ATXN3L: variants seen among roughly 807,000 people sequenced by gnomAD.
ATXN3L encodes ataxin 3 like.
For missense variants in ATXN3L, 283 were observed against 255.2 expected (o/e 1.11, Z -0.74); for synonymous variants, 98 against 96.1 (o/e 1.02, Z -0.12).
Position 13,319,526 on chromosome X carries a change from A to C in ATXN3L, c.409T>G (p.Leu137Val). 1 of 1,211,969 alleles carries C rather than the reference A, an allele frequency of 8.3e-7. No individual in the cohort carries two copies. Among genetic ancestry groups the C allele is most frequent in the Non-Finnish European group, 1.1e-6 (1 of 895,544 alleles). The change falls in exon 1 of 1, where the codon TTG (leucine) becomes GTG (valine). Residue 137 changes from leucine (L) to valine (V), a missense_variant. Coordinates refer to ENST00000380622, the MANE Select transcript of ATXN3L (RefSeq NM_001135995.2). ...GKHWFNLNSL[L>V]AGPELISDTC... The stretch of plus-strand genomic sequence containing the variant: ...TCTGATATTAATTCTGGACCCGCCA[A>C]GAGAGAATTCAAGTTAAACCAGTGT...
rs367551011 is a variant in ATXN3L, at chrX:13,319,385, C to T, written c.550G>A (p.Glu184Lys). 1.4e-5 allele frequency: 17 copies of T among 1,209,271 alleles called. No homozygotes were observed. Among genetic ancestry groups the T allele is most frequent in the Admixed American group, 6.6e-5 (3 of 45,669 alleles). Residue 184 changes from glutamate to lysine, a missense_variant, in exon 1 of 1, where the codon GAA (glutamate) becomes AAA (lysine). Transcript: ENST00000380622. Reference protein sequence around the residue: ...ADQLLQIISVEEMDTPKLNGK... With the variant: ...ADQLLQIISVKEMDTPKLNGK... The stretch of plus-strand genomic sequence containing the variant: ...TTAAGTTTTGGTGTATCCATCTCTT[C>T]GACACTGATGATCTGCAGGAGTTGG...
In ATXN3L at chrX:13,319,549, T is replaced by A; in HGVS notation, c.386A>T (p.His129Leu). 8.3e-7 allele frequency: 1 copy of A among 1,211,529 alleles called. No individual in the cohort carries two copies. Among genetic ancestry groups the A allele is most frequent in the Non-Finnish European group, 1.1e-6 (1 of 895,268 alleles). The change falls in exon 1 of 1, where the codon CAC (histidine) becomes CTC (leucine). Residue 129 changes from histidine to leucine, a missense_variant. Transcript: ENST00000380622. ...HWFTIRKFGK[H>L]WFNLNSLLAG... ...CAAGAGAGAATTCAAGTTAAACCAG[T>A]GTTTTCCAAATTTTCTAATAGTAAA...
Position 13,319,842 on chromosome X carries a change from C to T in ATXN3L, c.93G>A (p.Val31=), listed in dbSNP as rs1314259605. 8.3e-7 allele frequency: 1 copy of T among 1,210,011 alleles called. No homozygotes were observed. The highest frequency in any genetic ancestry group is 1.1e-6 in the Non-Finnish European group (1 of 895,017). Residue 31 remains valine, a synonymous_variant, in exon 1 of 1, where the codon GTG becomes GTA. Transcript: ENST00000380622. ...GCTGATGTGCAATTGAGGCTAATTC[C>T]ACAGGGCTAAAATATTCTCCTTGCA... The part of the protein sequence containing the change: ...NLLQGEYFSP[V]ELASIAHQLD...
In ATXN3L at chrX:13,318,786, A is replaced by C; in HGVS notation, c.*81T>G. The C allele has an allele frequency of 1.1e-6, 1 of 897,856 alleles. No individual in the cohort carries two copies. The highest frequency in any genetic ancestry group is 3.1e-5 in the East Asian group (1 of 31,850). 74.0% of individuals were successfully genotyped at this position (897,856 alleles called of 1,213,427 possible). On this transcript the variant is annotated 3_prime_UTR_variant, in exon 1 of 1. Transcript: ENST00000380622. ...AGCCTTATTTCCTCATCTCTTTGAC[A>C]GATGACCAAAATGGATCCTACAGTA...
At position 13,318,846 on chromosome X, in the gene ATXN3L, T is replaced by C. The variant is rs377086256; in HGVS notation, c.*21A>G. Reference sequence around the variant, plus strand: ...AGGATAATGTTGGAAAGTATGACTATCTAAATTATTTTTAAAGGCATTATT... The same window carrying C: ...AGGATAATGTTGGAAAGTATGACTACCTAAATTATTTTTAAAGGCATTATT... On this transcript the variant is annotated 3_prime_UTR_variant, in exon 1 of 1. Transcript: ENST00000380622. 1.1e-4 allele frequency: 120 copies of C among 1,135,055 alleles called. No individual in the cohort carries two copies. Among genetic ancestry groups the C allele is most frequent in the Non-Finnish European group, 1.4e-4 (115 of 841,173 alleles). The allele number at this position is 1,135,055 out of a possible 1,213,427, so 93.5% of individuals were successfully genotyped here.
At position 13,319,100 on chromosome X, in the gene ATXN3L, G is replaced by A. The variant is rs766631943; in HGVS notation, c.835C>T (p.Pro279Ser). ...TSCVTPASEQ[P>S]KKIKEDYFEK... ...AAATAGTCTTCTTTTATTTTCTTCGGCTGTTCTGAAGCAGGAGTTACACAT... is the reference window on the plus strand; with the variant it reads ...AAATAGTCTTCTTTTATTTTCTTCGACTGTTCTGAAGCAGGAGTTACACAT... Residue 279 changes from proline (P) to serine (S), a missense_variant, in exon 1 of 1, where the codon CCG becomes TCG. Coordinates refer to ENST00000380622, the MANE Select transcript of ATXN3L (RefSeq NM_001135995.2). 2.0e-5 allele frequency: 24 copies of A among 1,209,316 alleles called. No individual in the cohort carries two copies. Among genetic ancestry groups the A allele is most frequent in the Non-Finnish European group, 2.5e-5 (22 of 895,017 alleles).
rs750406543 is a variant in ATXN3L, at chrX:13,319,004, G to C, written c.931C>G (p.His311Asp). The C allele has an allele frequency of 2.5e-6, 3 of 1,211,780 alleles. No homozygotes were observed. Residue 311 changes from histidine to aspartate, a missense_variant, in exon 1 of 1, where the codon CAC (histidine) becomes GAC (aspartate). Physicochemically the swap from His to Asp is moderately conservative, Grantham distance 81. Coordinates refer to ENST00000380622, the MANE Select transcript of ATXN3L (RefSeq NM_001135995.2). The part of the protein sequence containing the change: ...SDLPGHSSYL[H>D]ERPTTSSRAI... ...CTCGAACTTGTTGTTGGCCTTTCGT[G>C]TAGGTATGAACTGTGGCCCGGCAGA...
At position 13,318,985 on chromosome X, in the gene ATXN3L, CTTG is replaced by C. The variant is rs772376884; in HGVS notation, c.947_949del (p.Thr316del). 778 of 1,210,201 alleles carry C rather than the reference CTTG, an allele frequency of 6.4e-4. No individual in the cohort carries two copies. The highest frequency in any genetic ancestry group is 9.9e-4 in the South Asian group (56 of 56,812). ...GAGATCACTCTCAATTGCTCTCGAA[CTTG>C]TTGTTGGCCTTTCGTGTAGGTATGA... is the stretch of plus-strand genomic sequence containing the variant. On this transcript the variant is annotated inframe_deletion, in exon 1 of 1. Transcript: ENST00000380622.
At position 13,319,049 on chromosome X, in the gene ATXN3L, G is replaced by C; in HGVS notation, c.886C>G (p.Gln296Glu). Residue 296 changes from glutamine (Q) to glutamate (E), a missense_variant, in exon 1 of 1, where the codon CAG becomes GAG. Gln to Glu is a conservative substitution (Grantham distance 29, BLOSUM62 2). Coordinates refer to ENST00000380622, the MANE Select transcript of ATXN3L (RefSeq NM_001135995.2). ...GGCAGATCTGACTGTTGTTGCTGCT[G>C]CTTCTGTTCCTGCTGATGCTTTTCA... is the stretch of plus-strand genomic sequence containing the variant. ...YFEKHQQEQK[Q>E]QQQQSDLPGH... 8.3e-7 allele frequency: 1 copy of C among 1,211,610 alleles called. No homozygotes were observed. The highest frequency in any genetic ancestry group is 1.7e-5 in the African/African-American group (1 of 57,738).
chrX:13,318,984 A>G lies in ATXN3L; in HGVS notation c.951T>C (p.Ser317=). Residue 317 remains serine, a synonymous_variant, in exon 1 of 1, where the codon AGT becomes AGC. Coordinates refer to ENST00000380622, the MANE Select transcript of ATXN3L (RefSeq NM_001135995.2). ...TGAGATCACTCTCAATTGCTCTCGA[A>G]CTTGTTGTTGGCCTTTCGTGTAGGT... is the stretch of plus-strand genomic sequence containing the variant. ...SSYLHERPTT[S]SRAIESDLSD... is the part of the protein sequence containing the mutation. The G allele has an allele frequency of 8.3e-7, 1 of 1,211,607 alleles. No homozygotes were observed. The highest frequency in any genetic ancestry group is 1.1e-6 in the Non-Finnish European group (1 of 895,298).
chrX:13,319,601 A>G lies in ATXN3L; in HGVS notation c.334T>C (p.Phe112Leu). The G allele has an allele frequency of 8.3e-7, 1 of 1,210,667 alleles. No homozygotes were observed. The highest frequency in any genetic ancestry group is 1.1e-6 in the Non-Finnish European group (1 of 894,582). ...CAGTGTTGTTTATAATTACATATAA[A>G]AGATCTTTCATTTATAGGATCAATG... The part of the protein sequence containing the change: ...LGIDPINERS[F>L]ICNYKQHWFT... Residue 112 changes from phenylalanine to leucine, a missense_variant, in exon 1 of 1, where the codon TTT (phenylalanine) becomes CTT (leucine). Coordinates refer to ENST00000380622, the MANE Select transcript of ATXN3L (RefSeq NM_001135995.2).
Position 13,319,132 on chromosome X carries a change from T to C in ATXN3L, c.803A>G (p.Lys268Arg). The change falls in exon 1 of 1, where the codon AAG becomes AGG. Residue 268 changes from lysine (K) to arginine (R), a missense_variant. Lys to Arg is a conservative substitution (Grantham distance 26). Coordinates refer to ENST00000380622, the MANE Select transcript of ATXN3L (RefSeq NM_001135995.2). Reference protein sequence around the residue: ...SSGNTSQDLPKTSCVTPASEQ... With the variant: ...SSGNTSQDLPRTSCVTPASEQ... ...TGAAGCAGGAGTTACACATGATGTC[T>C]TTGGAAGATCTTGCGATGTGTTTCC... is the stretch of plus-strand genomic sequence containing the variant. 8.3e-7 allele frequency: 1 copy of C among 1,211,651 alleles called. No homozygotes were observed.
rs771406493 is a variant in ATXN3L, at chrX:13,319,965, T to C, written c.-31A>G. On this transcript the variant is annotated 5_prime_UTR_variant, in exon 1 of 1. Transcript: ENST00000380622. ...TTGTATCCGTGAGTTTCTGTAGGTA[T>C]GCCGGAAGATGTTGTATGCCCAGCT... The C allele has an allele frequency of 5.4e-6, 6 of 1,102,042 alleles. No individual in the cohort carries two copies. The highest frequency in any genetic ancestry group is 7.4e-6 in the Non-Finnish European group (6 of 809,386). 90.8% of individuals were successfully genotyped at this position (1,102,042 alleles called of 1,213,427 possible).
Position 13,319,511 on chromosome X carries a change from A to T in ATXN3L, c.424T>A (p.Leu142Ile), listed in dbSNP as rs2044473821. The change falls in exon 1 of 1, where the codon TTA becomes ATA. Residue 142 changes from leucine (L) to isoleucine (I), a missense_variant. Coordinates refer to ENST00000380622, the MANE Select transcript of ATXN3L (RefSeq NM_001135995.2). ...NLNSLLAGPE[L>I]ISDTCLANFL... Reference sequence around the variant, plus strand: ...TTTGCAAGGCATGTATCTGATATTAATTCTGGACCCGCCAAGAGAGAATTC... The same window carrying T: ...TTTGCAAGGCATGTATCTGATATTATTTCTGGACCCGCCAAGAGAGAATTC... 1 of 1,210,038 alleles carries T rather than the reference A, an allele frequency of 8.3e-7. No homozygotes were observed. Among genetic ancestry groups the T allele is most frequent in the South Asian group, 1.8e-5 (1 of 56,790 alleles).
In ATXN3L at chrX:13,319,604, A is replaced by G; in HGVS notation, c.331T>C (p.Ser111Pro). The G allele has an allele frequency of 8.3e-7, 1 of 1,210,780 alleles. No homozygotes were observed. The highest frequency in any genetic ancestry group is 1.1e-6 in the Non-Finnish European group (1 of 894,689). Residue 111 changes from serine (S) to proline (P), a missense_variant, in exon 1 of 1, where the codon TCT (serine) becomes CCT (proline). Ser to Pro is a moderately conservative substitution (Grantham distance 74). Transcript: ENST00000380622. ...KLGIDPINER[S>P]FICNYKQHWF... ...TGTTGTTTATAATTACATATAAAAG[A>G]TCTTTCATTTATAGGATCAATGCCG...
At position 13,319,443 on chromosome X, in the gene ATXN3L, A is replaced by G. The variant is rs2044472980; in HGVS notation, c.492T>C (p.Val164=). 2 of 1,211,884 alleles carry G rather than the reference A, an allele frequency of 1.7e-6. No individual in the cohort carries two copies. The highest frequency in any genetic ancestry group is 1.7e-5 in the African/African-American group (1 of 57,899). ...CACAGTCTGGCAGATCACCCTTGAC[A>G]ACAAATACAGAATATGCTTGTTGTT... ...RLQQQAYSVF[V]VKGDLPDCEA... The change falls in exon 1 of 1, where the codon GTT becomes GTC. Residue 164 remains valine, a synonymous_variant. Transcript: ENST00000380622.
Position 13,318,910 on chromosome X carries a change from A to G in ATXN3L, c.1025T>C (p.Leu342Ser). ...TTTCAAATTCTTTCTCATAATTTCT[A>G]AAATGGTGTCGACAGCGGCCTGTAC... ...GTVQAAVDTI[L>S]EIMRKNLKIK... is the part of the protein sequence containing the mutation. The change falls in exon 1 of 1, where the codon TTA (leucine) becomes TCA (serine). Residue 342 changes from leucine (L) to serine (S), a missense_variant. Coordinates refer to ENST00000380622, the MANE Select transcript of ATXN3L (RefSeq NM_001135995.2). 12 of 1,195,911 alleles carry G rather than the reference A, an allele frequency of 1.0e-5. No homozygotes were observed. The highest frequency in any genetic ancestry group is 1.2e-5 in the Non-Finnish European group (11 of 889,099).
chrX:13,319,557 A>G lies in ATXN3L; in HGVS notation c.378T>C (p.Phe126=), dbSNP rs765888433. The change falls in exon 1 of 1, where the codon TTT becomes TTC. Residue 126 remains phenylalanine (F), a synonymous_variant. Coordinates refer to ENST00000380622, the MANE Select transcript of ATXN3L (RefSeq NM_001135995.2). ...AATTCAAGTTAAACCAGTGTTTTCC[A>G]AATTTTCTAATAGTAAACCAGTGTT... ...YKQHWFTIRK[F]GKHWFNLNSL... is the part of the protein sequence containing the mutation. The G allele has an allele frequency of 5.8e-6, 7 of 1,211,403 alleles. No individual in the cohort carries two copies. The highest frequency in any genetic ancestry group is 7.8e-6 in the Non-Finnish European group (7 of 895,128).
Position 13,320,053 on chromosome X carries a change from T to C in ATXN3L, c.-119A>G. On this transcript the variant is annotated 5_prime_UTR_variant, in exon 1 of 1. Transcript: ENST00000380622. Reference sequence around the variant, plus strand: ...ACAGATGTTAGGTTTTCAAACCTTATGAAGACCATGGGTTTTTGCAGGTAT... The same window carrying C: ...ACAGATGTTAGGTTTTCAAACCTTACGAAGACCATGGGTTTTTGCAGGTAT... 1 of 523,663 alleles carries C rather than the reference T, an allele frequency of 1.9e-6. No individual in the cohort carries two copies. The highest frequency in any genetic ancestry group is 3.4e-5 in the South Asian group (1 of 29,721). 43.2% of individuals were successfully genotyped at this position (523,663 alleles called of 1,213,427 possible). A position where few individuals can be genotyped will look rare whatever the true frequency, so the allele number is the denominator to read the frequency against.
Sources: gnomAD v4.1 joint callset for allele counts on GRCh38, gnomAD v4.1.1 for gene constraint, MANE v1.5 for transcripts, NCBI Gene and HGNC (gene_info 2026-07-23, HGNC 2026-07-21) for gene names.